LOC128125817: variants seen among roughly 807,000 people sequenced by gnomAD.
the LOC128125817 span, among the ~76,000 whole-genome samples, chr1:41,619,765 C>A: frequency 4.6e-5 from 7 of 152,136 alleles, no homozygotes; most frequent in African/African-American, 1.7e-4. Context: ...TTTTTGGAGC[C>A]ATATGGAATA....
chr1:41,621,701 T>C, the LOC128125817 span, among the ~76,000 whole-genome samples: 1 of 152,178 alleles, frequency 6.6e-6, no homozygotes, highest in Non-Finnish European at 1.5e-5. Flanking sequence ...TTCTAGTTTT[T>C]GAGATGAGGT....
chr1:41,606,151 C>G, the LOC128125817 span, among the ~76,000 whole-genome samples: 3 of 151,120 alleles, frequency 2.0e-5, no homozygotes, highest in East Asian at 3.9e-4. Context: ...CATTCAACCT[C>G]TCTCTCCCAA....
the LOC128125817 span, among the ~76,000 whole-genome samples, chr1:41,587,313 A>G: frequency 1.3e-5 from 2 of 152,332 alleles, no homozygotes; most frequent in East Asian, 1.9e-4. Flanking sequence ...AGATTCTCCT[A>G]TGAGCAGTCA....
chr1:41,600,019 C>A, the LOC128125817 span, among the ~76,000 whole-genome samples: 1 of 152,112 alleles, frequency 6.6e-6, no homozygotes, highest in East Asian at 1.9e-4. Flanking sequence ...CACGAAGATA[C>A]CACCTCACAC....
chr1:41,626,203 G>A, the LOC128125817 span, among the ~76,000 whole-genome samples: 13 of 151,660 alleles, frequency 8.6e-5, no homozygotes, highest in East Asian at 3.9e-4. Flanking sequence ...GCACCGGGGC[G>A]TTTGCAGCAC....
chr1:41,614,292 C>G, the LOC128125817 span, among the ~76,000 whole-genome samples: 13,796 of 152,260 alleles, frequency 0.091, 676 homozygotes, highest in Middle Eastern at 0.18. Context: ...GGCCACCAGC[C>G]CTGAGTCTAA....
At chr1:41,602,154 G>A in the LOC128125817 span, among the ~76,000 whole-genome samples, 1 of 151,812 alleles carries the variant, frequency 6.6e-6, no homozygotes, top group Admixed American at 6.6e-5. Flanking sequence ...CTAGTATTTT[G>A]TTGAGGATTT....
chr1:41,597,191 C>A, the LOC128125817 span, among the ~76,000 whole-genome samples: 1 of 152,256 alleles, frequency 6.6e-6, no homozygotes, highest in African/African-American at 2.4e-5. Context: ...ACGAGTTAGA[C>A]CCGGCTGGTA....
At chr1:41,593,795 G>A in the LOC128125817 span, among the ~76,000 whole-genome samples, 808 of 152,292 alleles carry the variant, frequency 5.3e-3, 9 homozygotes, top group African/African-American at 0.019. Context: ...CTTATAGTTC[G>A]AGTGGTCAGA....
the LOC128125817 span, among the ~76,000 whole-genome samples, chr1:41,612,443 C>G: frequency 2.6e-5 from 4 of 152,212 alleles, no homozygotes; most frequent in Non-Finnish European, 5.9e-5. Flanking sequence ...CAACTGCCCC[C>G]TAAGACTGCA....
chr1:41,628,801 G>A, the LOC128125817 span: 1 of 1,231,976 alleles, frequency 8.1e-7, no homozygotes, highest in Non-Finnish European at 1.0e-6. Context: ...TGTTCTCTCT[G>A]AAAGCCAGCA....
chr1:41,615,998 C>G, the LOC128125817 span, among the ~76,000 whole-genome samples: 15 of 152,140 alleles, frequency 9.9e-5, no homozygotes, highest in South Asian at 8.3e-4. Context: ...ATGACACTCT[C>G]TACCGCATCT....
chr1:41,616,129 C>G, the LOC128125817 span, among the ~76,000 whole-genome samples: 1 of 152,004 alleles, frequency 6.6e-6, no homozygotes, highest in East Asian at 1.9e-4. Context: ...GTGGGTGGAT[C>G]TGAGCATCAT....
the LOC128125817 span, among the ~76,000 whole-genome samples, chr1:41,611,481 C>T: frequency 6.6e-6 from 1 of 152,164 alleles, no homozygotes; most frequent in Non-Finnish European, 1.5e-5. Context: ...CCTATCAGGC[C>T]GGCAATGTTT....
chr1:41,592,598 A>G, the LOC128125817 span, among the ~76,000 whole-genome samples: 2 of 152,138 alleles, frequency 1.3e-5, no homozygotes, highest in African/African-American at 4.8e-5. Context: ...GGACTGACTG[A>G]GAGGTGGACT....
the LOC128125817 span, among the ~76,000 whole-genome samples, chr1:41,624,473 C>G: frequency 5.3e-3 from 812 of 152,282 alleles, 9 homozygotes; most frequent in African/African-American, 0.019. Context: ...AGATGAAGGT[C>G]TGGGTAGATC....
At chr1:41,603,963 T>C in the LOC128125817 span, among the ~76,000 whole-genome samples, 19 of 152,332 alleles carry the variant, frequency 1.2e-4, no homozygotes, top group East Asian at 3.3e-3. Flanking sequence ...ATTTTGTCAT[T>C]AGGGAAATGT....
chr1:41,607,332 C>T, the LOC128125817 span, among the ~76,000 whole-genome samples: 1 of 152,136 alleles, frequency 6.6e-6, no homozygotes, highest in Non-Finnish European at 1.5e-5. Context: ...TTGAAATGAC[C>T]AATCTGGTCT....
chr1:41,592,842 G>T, the LOC128125817 span, among the ~76,000 whole-genome samples: 2 of 152,214 alleles, frequency 1.3e-5, no homozygotes, highest in Non-Finnish European at 2.9e-5. Flanking sequence ...GTTCTGTGCA[G>T]AGAAAACTAC....
Sources: allele counts gnomAD v4.1 joint callset (sites outside exome capture counted in the v4.1 genomes callset), GRCh38; gene constraint gnomAD v4.1.1; transcripts MANE v1.5.